Variants in DOP1B observed in about 807,000 individuals in gnomAD.
DOP1B encodes protein DOP1B.
A neutral mutation model predicts 233.5 loss-of-function variants in DOP1B; 174 were observed. The observed-to-expected ratio is 0.75, with a 90% CI of 0.66 to 0.85. The LOEUF (loss-of-function observed/expected upper bound fraction) is 0.85, where lower values mean the gene tolerates loss of function less well. Among genes scored for constraint, DOP1B ranks in the 40% least tolerant of loss-of-function variants. The pLI is 0.00. For synonymous variants in DOP1B, 1,190 were observed against 1,185.6 expected, an observed-to-expected ratio of 1.00 and a Z score of -0.08; for missense variants, 2,652 against 2,846.6, an observed-to-expected ratio of 0.93 and a Z score of 1.56.
intron 13 of DOP1B, 77 bp from the exon 14 acceptor site, chr21:36,230,373 A>G (rs1042961560): frequency 1.4e-6 from 2 of 1,440,642 alleles, no homozygotes; most frequent in Non-Finnish European, 1.9e-6. Context: ...GAATTGAAAT[A>G]CATTCATGAT....
Position 36,278,009 on chromosome 21 carries a change from G to C in DOP1B, c.5747G>C (p.Ser1916Thr), listed in dbSNP as rs756037721. ...LASLLDMVYR[S>T]DEKEKAVPLI... ...TCCCTCCTGGACATGGTTTATCGAA[G>C]TGATGAGAAGGAGAAAGCTGTGCCG... Residue 1916 changes from serine (S) to threonine (T), a missense_variant, in exon 29 of 37, where the codon AGT becomes ACT. Physicochemically the swap from Ser to Thr is moderately conservative, Grantham distance 58. This residue lies in a region of DOP1B where 2,617 missense variants were observed against 2,794.3 expected (regional missense o/e 0.94). Transcript: ENST00000691173. 3.7e-6 allele frequency: 6 copies of C among 1,614,108 alleles called. No homozygotes were observed. In the Admixed American group the frequency reaches 8.3e-5, roughly 22 times the overall value.
intron 9 of DOP1B, 152 bp downstream of exon 9, chr21:36,214,708 A>G (rs576519903): frequency 1.5e-4 from 113 of 772,412 alleles, no homozygotes; most frequent in South Asian, 1.2e-3. Flanking sequence ...ATATGGTTCA[A>G]TGATCATATC....
chr21:36,292,255 T>C, intron 36 of DOP1B, 22 bp downstream of exon 36: 3 of 1,491,070 alleles, frequency 2.0e-6, no homozygotes, highest in Non-Finnish European at 2.7e-6. Context: ...TCTTTTCTTT[T>C]CTTTTTTTTT....
Position 36,245,519 on chromosome 21 carries a change from G to T in DOP1B, c.3539G>T (p.Arg1180Leu). The T allele has an allele frequency of 6.2e-7, 1 of 1,613,492 alleles. No homozygotes were observed. The highest frequency in any genetic ancestry group is 8.5e-7 in the Non-Finnish European group (1 of 1,180,030). The change falls in exon 19 of 37, where the codon CGG becomes CTG. Residue 1180 changes from arginine (R) to leucine (L), a missense_variant. Around this residue, in one of 3 missense-constraint regions of DOP1B, gnomAD observed 2,617 missense variants for 2,794.3 expected, o/e 0.94. Coordinates refer to ENST00000691173, the MANE Select transcript of DOP1B (RefSeq NM_001320714.2). This position sits in a 1 kb window ranked among gnomAD's most constrained non-coding sequence, Gnocchi z 5.5. Reference sequence around the variant, plus strand: ...GCTGGGGCCAAGTTAAGCCTGGTGCGGGTGGACTCGGACAAGACGCAGGCT... The same window carrying T: ...GCTGGGGCCAAGTTAAGCCTGGTGCTGGTGGACTCGGACAAGACGCAGGCT... ...FKAGAKLSLV[R>L]VDSDKTQASE...
At position 36,232,993 on chromosome 21, in the gene DOP1B, T is replaced by C; in HGVS notation, c.2540T>C (p.Phe847Ser). The change falls in exon 15 of 37, where the codon TTT becomes TCT. Residue 847 changes from phenylalanine (F) to serine (S), a missense_variant. Phe to Ser is a radical substitution (Grantham distance 155, BLOSUM62 -2). Coordinates refer to ENST00000691173, the MANE Select transcript of DOP1B (RefSeq NM_001320714.2). ...RYKSSGHNPF[F>S]GKLQMVTVPP... ...AAGAGCTCTGGACACAACCCTTTTT[T>C]TGGCAAGCTGCAGATGGTGACGGTT... 1 of 1,614,124 alleles carries C rather than the reference T, an allele frequency of 6.2e-7. No homozygotes were observed. The highest frequency in any genetic ancestry group is 8.5e-7 in the Non-Finnish European group (1 of 1,180,016).
intron 4 of DOP1B, among the ~76,000 whole-genome samples, chr21:36,202,117 G>A (rs1295541429): frequency 6.6e-6 from 1 of 152,124 alleles, no homozygotes; most frequent in Non-Finnish European, 1.5e-5. Flanking sequence ...AGCCTGCGAG[G>A]TGAAGGTTGC....
chr21:36,248,353 G>T (rs1318277251), intron 20 of DOP1B, 27 bp from the exon 21 acceptor site: 2 of 1,609,562 alleles, frequency 1.2e-6, no homozygotes, highest in South Asian at 2.2e-5. Context: ...GACACAGCCT[G>T]CCTCATGTAT....
At chr21:36,272,984 C>CAAAAAA (rs1167312513) in intron 27 of DOP1B, among the ~76,000 whole-genome samples, 5 of 56,908 alleles carry the variant, frequency 8.8e-5, no homozygotes, top group Middle Eastern at 0.019. Context: ...AACTCCATCT[C>CAAAAAA]AAAAAAAAAA....
chr21:36,280,310 T>G lies in DOP1B; in HGVS notation c.5995T>G (p.Leu1999Val). Residue 1999 changes from leucine (L) to valine (V), a missense_variant, in exon 31 of 37, where the codon TTG (leucine) becomes GTG (valine). This residue lies in a region of DOP1B where 2,617 missense variants were observed against 2,794.3 expected (regional missense o/e 0.94). Coordinates refer to ENST00000691173, the MANE Select transcript of DOP1B (RefSeq NM_001320714.2). ...VHWKSIIDHLLTHEKTMFKDL... is the reference protein window; with the variant it reads ...VHWKSIIDHLVTHEKTMFKDL... ...TTGGAAGTCCATTATTGACCATCTT[T>G]TGACTCATGAGAAAACAATGTTTAA... is the stretch of plus-strand genomic sequence containing the variant. 6.2e-7 allele frequency: 1 copy of G among 1,610,198 alleles called. No homozygotes were observed. The highest frequency in any genetic ancestry group is 8.5e-7 in the Non-Finnish European group (1 of 1,177,990).
chr21:36,172,617 C>G (rs1404283313), intron 2 of DOP1B, among the ~76,000 whole-genome samples: 1 of 152,092 alleles, frequency 6.6e-6, no homozygotes, highest in African/African-American at 2.4e-5. Context: ...CAAAAATTAT[C>G]TGGCCATGGT....
At chr21:36,250,466 C>T (rs574549767) in intron 21 of DOP1B, among the ~76,000 whole-genome samples, 2 of 152,190 alleles carry the variant, frequency 1.3e-5, no homozygotes, top group East Asian at 3.9e-4. Context: ...GAACAGGAGG[C>T]CTGGCCTGAC....
rs775286723 is a variant in DOP1B at position 36,278,111 on chromosome 21, C to T, written c.5822+27C>T. On this transcript the variant is annotated intron_variant, in intron 29 of 36. Coordinates refer to ENST00000691173, the MANE Select transcript of DOP1B (RefSeq NM_001320714.2). ...TAACGTCATCTTCGCCATTTCTTCC[C>T]ACCCATATGCAGAAAAATATGTTTT... is the stretch of plus-strand genomic sequence containing the variant. 3.7e-6 allele frequency: 6 copies of T among 1,612,574 alleles called. No individual in the cohort carries two copies. In the East Asian group the frequency reaches 6.7e-5, roughly 18 times the overall value.
At chr21:36,271,769 A>G (rs1254962924) in intron 27 of DOP1B, among the ~76,000 whole-genome samples, 1 of 151,986 alleles carries the variant, frequency 6.6e-6, no homozygotes, top group Non-Finnish European at 1.5e-5. Context: ...GGACATGGTG[A>G]TAGAAATCTG....
intron 2 of DOP1B, among the ~76,000 whole-genome samples, chr21:36,179,050 A>G (rs2066064937): frequency 6.6e-6 from 1 of 152,144 alleles, no homozygotes; most frequent in Non-Finnish European, 1.5e-5. Flanking sequence ...TATAAATGGA[A>G]TCCCACAGTA....
In DOP1B at chr21:36,258,072, G is replaced by A. The variant is rs149370148; in HGVS notation, c.5260-2605G>A. 6.2e-4 allele frequency among the ~76,000 whole-genome samples: 94 copies of A among 152,140 alleles called. No homozygotes were observed. In the East Asian group the frequency reaches 0.013, roughly 21 times the overall value. ...GTAGATAGATGTAGGTAGGTAGGTAGATGTAGGTAGATAGATAGATAGATG... is the reference window on the plus strand; with the variant it reads ...GTAGATAGATGTAGGTAGGTAGGTAAATGTAGGTAGATAGATAGATAGATG... On this transcript the variant is annotated intron_variant, in intron 23 of 36. Coordinates refer to ENST00000691173, the MANE Select transcript of DOP1B (RefSeq NM_001320714.2).
rs549413747 is a variant in DOP1B, at chr21:36,278,688, C to T, written c.5969+333C>T. Among the ~76,000 whole-genome samples the T allele has an allele frequency of 5.3e-5, 8 of 151,626 alleles. No individual in the cohort carries two copies. In the South Asian group the frequency reaches 1.5e-3, roughly 28 times the overall value. ...TTCGAGACCAGCCTGGCCAACATGG[C>T]GAAACCCCGTCTCTACAAAAAAATT... On this transcript the variant is annotated intron_variant, in intron 30 of 36. Coordinates refer to ENST00000691173, the MANE Select transcript of DOP1B (RefSeq NM_001320714.2).
At chr21:36,181,344 T>C (rs1477057435) in intron 2 of DOP1B, among the ~76,000 whole-genome samples, 1 of 151,978 alleles carries the variant, frequency 6.6e-6, no homozygotes, top group Non-Finnish European at 1.5e-5. Flanking sequence ...AGTGGCACGA[T>C]CTTGGCTCAC....
intron 2 of DOP1B, among the ~76,000 whole-genome samples, chr21:36,179,396 A>G (rs73374938): frequency 0.022 from 3,351 of 152,320 alleles, 120 homozygotes; most frequent in African/African-American, 0.077. Context: ...CATTTTAATG[A>G]GAGTGTAATA....
At position 36,239,829 on chromosome 21, in the gene DOP1B, G is replaced by A. The variant is rs767212028; in HGVS notation, c.2941G>A (p.Gly981Ser). 7.6e-6 allele frequency: 12 copies of A among 1,572,328 alleles called. No individual in the cohort carries two copies. In the Admixed American group the frequency reaches 2.0e-4, roughly 27 times the overall value. ...TGGTGCCATCGGTGCGGCAGCCCAG[G>A]GCTGGCTGGTGCGTGCGCTCTCCCT... ...TDGAIGAAAQGWLVRALSLGD... is the reference protein window; with the variant it reads ...TDGAIGAAAQSWLVRALSLGD... The change falls in exon 18 of 37, where the codon GGC becomes AGC. Residue 981 changes from glycine (G) to serine (S), a missense_variant. By Grantham distance (56) the Gly-to-Ser change is moderately conservative (BLOSUM62 0). Around this residue, in one of 3 missense-constraint regions of DOP1B, gnomAD observed 2,617 missense variants for 2,794.3 expected, o/e 0.94. Coordinates refer to ENST00000691173, the MANE Select transcript of DOP1B (RefSeq NM_001320714.2).
Sources: allele counts gnomAD v4.1 joint callset (sites outside exome capture counted in the v4.1 genomes callset), GRCh38; gene constraint gnomAD v4.1.1; regional missense constraint gnomAD v4.1.1; non-coding constraint Gnocchi (gnomAD v3.1); transcripts MANE v1.5; gene names NCBI Gene and HGNC (gene_info 2026-07-23, HGNC 2026-07-21).